The following CDH4 variants were observed in gnomAD, a reference collection of about 807,000 sequenced individuals.
CDH4 encodes cadherin 4.
CDH4 carries 33 observed loss-of-function variants against 86.0 expected under a neutral mutation model. The ratio of observed to expected loss-of-function variants is 0.38; its 90% CI spans 0.29 to 0.51. The LOEUF is 0.51. Ranked by LOEUF, CDH4 falls within the 20% of genes least tolerant of loss-of-function variation. CDH4 has a pLI of 0.86. For synonymous variants in CDH4, 555 were observed against 549.4 expected, an observed-to-expected ratio of 1.01 and a Z score of -0.14; for missense variants, 1,114 against 1,307.4, an observed-to-expected ratio of 0.85 and a Z score of 2.28.
chr20:61,809,879 G>A (rs1367088015), intron 4 of CDH4, among the ~76,000 whole-genome samples: 2 of 152,124 alleles, frequency 1.3e-5, no homozygotes, highest in African/African-American at 4.8e-5. Flanking sequence ...GGGGGTCACT[G>A]CAGGCCACAG....
rs1328420568 is a variant in CDH4, at chr20:61,754,678, A to G, written c.396+10889A>G. On this transcript the variant is annotated intron_variant, in intron 3 of 15. Coordinates refer to ENST00000614565, the MANE Select transcript of CDH4 (RefSeq NM_001794.5). This position sits in a 1 kb window ranked among gnomAD's most constrained non-coding sequence, Gnocchi z 4.7. Reference sequence around the variant, plus strand: ...CACGCACACACGCCCCGCACACACTATGCACACCACACACACAGTGCATGC... The same window carrying G: ...CACGCACACACGCCCCGCACACACTGTGCACACCACACACACAGTGCATGC... Among the ~76,000 whole-genome samples, 2 of 143,250 alleles carry G rather than the reference A, an allele frequency of 1.4e-5. No homozygotes were observed. The highest frequency in any genetic ancestry group is 3.0e-5 in the Non-Finnish European group (2 of 65,620). 94.0% of individuals were successfully genotyped at this position (143,250 alleles called of 152,430 possible).
intron 2 of CDH4, among the ~76,000 whole-genome samples, chr20:61,636,653 G>A (rs2086949781): frequency 6.6e-6 from 1 of 152,198 alleles, no homozygotes; most frequent in African/African-American, 2.4e-5. Context: ...TAGGATGGAA[G>A]GCAGGAGACA....
chr20:61,857,147 G>A (rs1420997503), intron 6 of CDH4, among the ~76,000 whole-genome samples: 1 of 152,244 alleles, frequency 6.6e-6, no homozygotes, highest in Non-Finnish European at 1.5e-5. Context: ...CCCTCCCCGG[G>A]GCAGAGGGTG....
At chr20:61,327,735 G>A (rs2084544350) in intron 2 of CDH4, among the ~76,000 whole-genome samples, 1 of 152,056 alleles carries the variant, frequency 6.6e-6, no homozygotes, top group Admixed American at 6.6e-5. Flanking sequence ...CCACTTCTGG[G>A]AATTTATTCT....
intron 2 of CDH4, among the ~76,000 whole-genome samples, chr20:61,560,482 T>C (rs2145686088): frequency 6.6e-6 from 1 of 152,372 alleles, no homozygotes; most frequent in East Asian, 1.9e-4. Context: ...ATCCTGAAGA[T>C]GCTTCCAGAT....
At chr20:61,892,745 C>G (rs1984877805) in intron 7 of CDH4, among the ~76,000 whole-genome samples, 1 of 152,152 alleles carries the variant, frequency 6.6e-6, no homozygotes, top group Non-Finnish European at 1.5e-5. Context: ...GCTCACAATT[C>G]CACAAATTGG....
chr20:61,883,890 A>G (rs1027030290), intron 7 of CDH4, among the ~76,000 whole-genome samples: 2 of 152,160 alleles, frequency 1.3e-5, no homozygotes, highest in African/African-American at 4.8e-5. Flanking sequence ...AGAGAAACAG[A>G]CGGACAGACA....
At chr20:61,305,177 C>T (rs974968165) in intron 2 of CDH4, among the ~76,000 whole-genome samples, 3 of 151,640 alleles carry the variant, frequency 2.0e-5, no homozygotes, top group African/African-American at 7.3e-5. Flanking sequence ...CCTGACTGTC[C>T]GTAAGTGTGT....
chr20:61,299,581 A>G (rs910539229), intron 2 of CDH4, among the ~76,000 whole-genome samples: 22 of 152,270 alleles, frequency 1.4e-4, no homozygotes, highest in African/African-American at 5.1e-4. Context: ...TTTGAAAAGG[A>G]GGTTACTCCT....
At chr20:61,735,084 G>T in intron 2 of CDH4, among the ~76,000 whole-genome samples, 1 of 152,230 alleles carries the variant, frequency 6.6e-6, no homozygotes, top group South Asian at 2.1e-4. Context: ...GAGAGGGGTC[G>T]TGGAGGAGGG....
At chr20:61,865,458 T>G (rs1365259397) in intron 6 of CDH4, among the ~76,000 whole-genome samples, 1 of 152,120 alleles carries the variant, frequency 6.6e-6, no homozygotes, top group Non-Finnish European at 1.5e-5. Flanking sequence ...TGGGTTAGTT[T>G]CCTGTACTGG....
At chr20:61,521,582 C>T (rs1398474798) in intron 2 of CDH4, among the ~76,000 whole-genome samples, 1 of 152,204 alleles carries the variant, frequency 6.6e-6, no homozygotes, top group Non-Finnish European at 1.5e-5. Flanking sequence ...AGAGGAGAGG[C>T]TGATGTGCAG....
chr20:61,321,400 A>T (rs1031667271), intron 2 of CDH4, among the ~76,000 whole-genome samples: 4 of 151,776 alleles, frequency 2.6e-5, no homozygotes, highest in African/African-American at 4.8e-5. Flanking sequence ...TTTGCTGGAA[A>T]TTTTTTTTTA....
At chr20:61,379,247 A>T (rs1038601959) in intron 2 of CDH4, among the ~76,000 whole-genome samples, 1 of 152,062 alleles carries the variant, frequency 6.6e-6, no homozygotes, top group Non-Finnish European at 1.5e-5. Context: ...GATACAGAGG[A>T]TGCACGTGGT....
At chr20:61,565,330 GATGGTGGTA>G (rs1568689061) in intron 2 of CDH4, among the ~76,000 whole-genome samples, 2 of 76,968 alleles carry the variant, frequency 2.6e-5, no homozygotes, top group Non-Finnish European at 6.1e-5. Flanking sequence ...TGCTCTTGGT[GATGGTGGTA>G]GTGGTCCTCT....
At chr20:61,736,275 C>T (rs906231118) in intron 2 of CDH4, among the ~76,000 whole-genome samples, 12 of 152,212 alleles carry the variant, frequency 7.9e-5, no homozygotes, top group African/African-American at 2.2e-4. Flanking sequence ...TCCTGGAATT[C>T]CTCCCTTCCT....
At chr20:61,383,461 AGATATATATGAATATATAT>A (rs1332753937) in intron 2 of CDH4, among the ~76,000 whole-genome samples, 1 of 19,652 alleles carries the variant, frequency 5.1e-5, no homozygotes, top group Non-Finnish European at 1.1e-4. Flanking sequence ...ATATATATGA[AGATATATATGAATATATAT>A]GATATATATG....
chr20:61,407,768 C>T (rs966403139), intron 2 of CDH4, among the ~76,000 whole-genome samples: 1 of 152,172 alleles, frequency 6.6e-6, no homozygotes, highest in Admixed American at 6.5e-5. Context: ...GGATGGAACA[C>T]AGCACGGTGA....
At chr20:61,338,447 T>A (rs2084631658) in intron 2 of CDH4, among the ~76,000 whole-genome samples, 1 of 152,194 alleles carries the variant, frequency 6.6e-6, no homozygotes, top group Non-Finnish European at 1.5e-5. Context: ...CGTTGTTTTC[T>A]CACCGTGAAG....
Sources: gnomAD v4.1 joint callset for allele counts (sites outside exome capture counted in the v4.1 genomes callset) on GRCh38, gnomAD v4.1.1 for gene constraint, Gnocchi (gnomAD v3.1) non-coding constraint, MANE v1.5 for transcripts, NCBI Gene and HGNC (gene_info 2026-07-23, HGNC 2026-07-21) for gene names.